Variants in ZNF106 observed in about 807,000 individuals in gnomAD.
ZNF106 encodes SH3-domain binding protein 3.
In ZNF106, 67 loss-of-function variants were observed where a neutral mutation model predicts 195.1. That is an observed-to-expected ratio of 0.34 (90% CI 0.28 to 0.42). The LOEUF is 0.42. ZNF106 is among the 10% of genes least tolerant of loss of function. ZNF106 has a pLI of 1.00. For missense variants in ZNF106, 2,118 were observed against 2,304.5 expected, an observed-to-expected ratio of 0.92 and a Z score of 1.66; for synonymous variants, 784 against 818.6, an observed-to-expected ratio of 0.96 and a Z score of 0.72.
chr15:42,449,983 G>T lies in ZNF106; in HGVS notation c.2289C>A (p.Ser763Arg). The T allele has an allele frequency of 1.2e-6, 2 of 1,614,174 alleles. No homozygotes were observed. Among genetic ancestry groups the T allele is most frequent in the Non-Finnish European group, 1.7e-6 (2 of 1,180,028 alleles). Residue 763 changes from serine to arginine, a missense_variant, in exon 5 of 22, where the codon AGC (serine) becomes AGA (arginine). Ser to Arg is a moderately radical substitution (Grantham distance 110). Transcript: ENST00000564754. ...RDLTRHISLK[S>R]KTGVHLPEPN... is the part of the protein sequence containing the mutation. ...GCTCAGGAAGGTGTACTCCAGTTTT[G>T]CTCTTCAAACTAATGTGCCGGGTTA...
At chr15:42,459,695 A>G (rs758741582) in intron 3 of ZNF106, among the ~76,000 whole-genome samples, 2 of 152,030 alleles carry the variant, frequency 1.3e-5, no homozygotes, top group Non-Finnish European at 2.9e-5. Flanking sequence ...CAAATCTACA[A>G]TATCTCATTT....
At chr15:42,464,479 A>T (rs957809491) in intron 3 of ZNF106, among the ~76,000 whole-genome samples, 1 of 151,940 alleles carries the variant, frequency 6.6e-6, no homozygotes, top group African/African-American at 2.4e-5. Context: ...ATACATCAAA[A>T]TAAATCACAA....
intron 20 of ZNF106, among the ~76,000 whole-genome samples, chr15:42,418,421 C>T (rs4924676): frequency 0.17 from 25,554 of 148,190 alleles, 2,965 homozygotes; most frequent in African/African-American, 0.31. Context: ...TGCAGTGGCA[C>T]GATCTCGGCT....
intron 3 of ZNF106, among the ~76,000 whole-genome samples, chr15:42,463,383 A>G (rs1298249304): frequency 6.6e-6 from 1 of 152,160 alleles, no homozygotes; most frequent in Non-Finnish European, 1.5e-5. Flanking sequence ...TAGAGATCAT[A>G]TATATTCAAG....
intron 3 of ZNF106, chr15:42,457,409 A>G: frequency 3.7e-6 from 5 of 1,366,222 alleles, no homozygotes; most frequent in Non-Finnish European, 4.7e-6. Context: ...TAGGAGGAGA[A>G]ATCTTCTTGA....
chr15:42,439,357 T>A lies in ZNF106; in HGVS notation c.4220A>T (p.Lys1407Ile). The A allele has an allele frequency of 6.2e-7, 1 of 1,614,140 alleles. No individual in the cohort carries two copies. The highest frequency in any genetic ancestry group is 8.5e-7 in the Non-Finnish European group (1 of 1,180,038). The change falls in exon 11 of 22, where the codon AAA (lysine) becomes ATA (isoleucine). Residue 1407 changes from lysine (K) to isoleucine (I), a missense_variant. Physicochemically the swap from Lys to Ile is moderately radical, Grantham distance 102 (BLOSUM62 -3). Coordinates refer to ENST00000564754, the MANE Select transcript of ZNF106 (RefSeq NM_001366845.3). The stretch of plus-strand genomic sequence containing the variant: ...TTTAATTAACTTTCCAGCTTTTACT[T>A]TCCTTACAGGTTTAACAGTCAAAAC... ...QDVLTVKPVR[K>I]VKAGKLIKGG...
At chr15:42,417,511 C>T in intron 21 of ZNF106, 151 bp from the exon 22 acceptor site, 1 of 884,572 alleles carries the variant, frequency 1.1e-6, no homozygotes, top group East Asian at 2.6e-5. Context: ...TTACGTGAAA[C>T]CATGTACTTA....
rs1281625449 is a variant in ZNF106 at position 42,416,184 on chromosome 15, CTCT to C, written c.*1117_*1119del. 1.3e-5 allele frequency: 2 copies of C among 152,278 alleles called. No homozygotes were observed. Among genetic ancestry groups the C allele is most frequent in the Non-Finnish European group, 2.9e-5 (2 of 68,086 alleles). 9.4% of individuals were successfully genotyped at this position (152,278 alleles called of 1,614,324 possible). A position where few individuals can be genotyped will look rare whatever the true frequency, so the allele number is the denominator to read the frequency against. The stretch of plus-strand genomic sequence containing the variant: ...GTGGCCAGGCAGAGTCTCTGCTCCA[CTCT>C]TCTTTCCCAGCTAGCAGGGAAGTGA... On this transcript the variant is annotated 3_prime_UTR_variant, in exon 22 of 22. Coordinates refer to ENST00000564754, the MANE Select transcript of ZNF106 (RefSeq NM_001366845.3).
intron 2 of ZNF106, among the ~76,000 whole-genome samples, chr15:42,471,402 A>C (rs985669974): frequency 6.6e-6 from 1 of 152,190 alleles, no homozygotes; most frequent in Non-Finnish European, 1.5e-5. Flanking sequence ...TAAAGGCAAA[A>C]AGTGACACAA....
intron 1 of ZNF106, among the ~76,000 whole-genome samples, chr15:42,483,689 C>T (rs1234383829): frequency 6.6e-6 from 1 of 152,200 alleles, no homozygotes; most frequent in Non-Finnish European, 1.5e-5. Flanking sequence ...CTTGACACAA[C>T]CCTTGCTAAT....
intron 19 of ZNF106, 52 bp downstream of exon 19, chr15:42,421,865 T>A: frequency 6.9e-7 from 1 of 1,459,130 alleles, no homozygotes; most frequent in Non-Finnish European, 9.2e-7. Flanking sequence ...GACAAGAATT[T>A]TTTAGCAAAC....
At chr15:42,472,991 G>A (rs1003085820) in intron 1 of ZNF106, among the ~76,000 whole-genome samples, 2 of 146,856 alleles carry the variant, frequency 1.4e-5, no homozygotes, top group Non-Finnish European at 3.0e-5. Context: ...GGGCGACAGA[G>A]CAAGACTCCA....
At chr15:42,473,908 C>T (rs1285618751) in intron 1 of ZNF106, among the ~76,000 whole-genome samples, 1 of 152,166 alleles carries the variant, frequency 6.6e-6, no homozygotes, top group Non-Finnish European at 1.5e-5. Context: ...TACCTTCTGC[C>T]TCTGCCCACT....
chr15:42,451,852 G>C lies in ZNF106; in HGVS notation c.420C>G (p.Tyr140Ter), dbSNP rs1363825116. The change falls in exon 5 of 22, where the codon TAC (tyrosine) becomes TAG (stop). Residue 140 changes from tyrosine to a stop codon, truncating the protein, a stop_gained. Transcript: ENST00000564754. LOFTEE classifies it high-confidence loss of function. ...DRIPYQDRES[Y>*]SQPAWHHRGP... is the part of the protein sequence containing the mutation. Reference sequence around the variant, plus strand: ...CACGATGATGCCATGCAGGCTGACTGTAACTCTCTCTGTCTTGGTAAGGAA... The same window carrying C: ...CACGATGATGCCATGCAGGCTGACTCTAACTCTCTCTGTCTTGGTAAGGAA... The C allele has an allele frequency of 6.2e-7, 1 of 1,614,182 alleles. No homozygotes were observed.
chr15:42,462,119 C>T (rs2056405098), intron 3 of ZNF106, among the ~76,000 whole-genome samples: 2 of 152,144 alleles, frequency 1.3e-5, no homozygotes, highest in Admixed American at 1.3e-4. Context: ...ATTGGCAGCT[C>T]AGGGAGGCTT....
intron 2 of ZNF106, among the ~76,000 whole-genome samples, chr15:42,467,146 GA>G (rs1418019977): frequency 1.3e-5 from 2 of 151,840 alleles, no homozygotes; most frequent in African/African-American, 4.8e-5. Flanking sequence ...AAAGAAAAAA[GA>G]AAAAACATGC....
rs373037193 is a variant in ZNF106 at position 42,428,151 on chromosome 15, A to G, written c.4882-17T>C. ...CTCTCGGCTCTGATAAAAGCACACA[A>G]CCTTTAATCAGCAGAGGGTACTGGC... On this transcript the variant is annotated splice_polypyrimidine_tract_variant and intron_variant, in intron 14 of 21. Transcript: ENST00000564754. The G allele has an allele frequency of 1.2e-5, 19 of 1,603,978 alleles. No homozygotes were observed. The highest frequency in any genetic ancestry group is 1.6e-5 in the Non-Finnish European group (19 of 1,171,302).
intron 19 of ZNF106, 125 bp downstream of exon 19, chr15:42,421,792 G>T: frequency 1.5e-6 from 1 of 647,090 alleles, no homozygotes; most frequent in Non-Finnish European, 2.4e-6. Flanking sequence ...TCCCTATTAT[G>T]CCAAGAGATG....
intron 3 of ZNF106, among the ~76,000 whole-genome samples, chr15:42,458,731 A>AT (rs2056310243): frequency 6.6e-6 from 1 of 151,506 alleles, no homozygotes. Flanking sequence ...AAAAAAAAAA[A>AT]CAACACCTTA....
Sources: gnomAD v4.1 joint callset for allele counts (sites outside exome capture counted in the v4.1 genomes callset) on GRCh38, gnomAD v4.1.1 for gene constraint, MANE v1.5 for transcripts, NCBI Gene and HGNC (gene_info 2026-07-23, HGNC 2026-07-21) for gene names.